AKR1C8: variants seen among roughly 807,000 people sequenced by gnomAD.
AKR1C8 encodes aldo-keto reductase family 1 member C-like protein 1.
the AKR1C8 span, among the ~76,000 whole-genome samples, chr10:5,167,330 C>T: frequency 7.2e-5 from 11 of 152,182 alleles, no homozygotes; most frequent in African/African-American, 2.7e-4. Flanking sequence ...AAGACACATG[C>T]ACACATATGT....
the AKR1C8 span, among the ~76,000 whole-genome samples, chr10:5,180,367 G>A: frequency 0.2 from 30,635 of 152,098 alleles, 3,933 homozygotes; most frequent in East Asian, 0.63. Context: ...GGCTGTGTGC[G>A]GTGTCAGTCT....
the AKR1C8 span, among the ~76,000 whole-genome samples, chr10:5,176,112 T>C: frequency 6.6e-6 from 1 of 151,994 alleles, no homozygotes; most frequent in Non-Finnish European, 1.5e-5. Context: ...TGGTTTTAAG[T>C]CTAACGTTTA....
At chr10:5,184,962 C>T in the AKR1C8 span, 1 of 529,952 alleles carries the variant, frequency 1.9e-6, no homozygotes, top group Non-Finnish European at 3.9e-6. Context: ...GATGACTGCC[C>T]TGCAAGTACA....
the AKR1C8 span, among the ~76,000 whole-genome samples, chr10:5,156,023 T>C: frequency 1.3e-5 from 2 of 152,146 alleles, no homozygotes; most frequent in Non-Finnish European, 1.5e-5. Flanking sequence ...AAAATATTTA[T>C]TGAGAATTGC....
the AKR1C8 span, among the ~76,000 whole-genome samples, chr10:5,126,927 A>G: frequency 6.6e-6 from 1 of 152,186 alleles, no homozygotes; most frequent in Non-Finnish European, 1.5e-5. Context: ...GAAAAAAGAC[A>G]TTAAAGAAAA....
chr10:5,130,128 T>C, the AKR1C8 span, among the ~76,000 whole-genome samples: 1 of 151,786 alleles, frequency 6.6e-6, no homozygotes, highest in African/African-American at 2.4e-5. Context: ...GGCAAGTCAA[T>C]AAATATGATA....
chr10:5,177,157 T>C, the AKR1C8 span, among the ~76,000 whole-genome samples: 1 of 152,200 alleles, frequency 6.6e-6, no homozygotes, highest in African/African-American at 2.4e-5. Flanking sequence ...ATCCCATCAA[T>C]ACCTGATTTA....
the AKR1C8 span, among the ~76,000 whole-genome samples, chr10:5,130,399 A>G: frequency 1.3e-5 from 2 of 151,880 alleles, no homozygotes; most frequent in Non-Finnish European, 3.0e-5. Flanking sequence ...TGTTAATATT[A>G]AACTTAATCC....
At chr10:5,124,104 G>A in the AKR1C8 span, among the ~76,000 whole-genome samples, 2 of 152,138 alleles carry the variant, frequency 1.3e-5, no homozygotes, top group South Asian at 4.1e-4. Context: ...GCCAATTCCA[G>A]CTCTGGGATA....
chr10:5,171,605 T>C, the AKR1C8 span, among the ~76,000 whole-genome samples: 79,848 of 151,834 alleles, frequency 0.53, 22,010 homozygotes, highest in Non-Finnish European at 0.6. Context: ...CATATTTACC[T>C]AATTTTAATG....
At chr10:5,123,677 G>T in the AKR1C8 span, 2 of 1,555,412 alleles carry the variant, frequency 1.3e-6, no homozygotes, top group Admixed American at 1.8e-5. Context: ...CATCAAAATG[G>T]CATTTTAGGT....
the AKR1C8 span, among the ~76,000 whole-genome samples, chr10:5,136,340 G>A: frequency 6.6e-6 from 1 of 152,142 alleles, no homozygotes; most frequent in Non-Finnish European, 1.5e-5. Flanking sequence ...TTGAGATCCA[G>A]TGTTCAAGAC....
chr10:5,141,295 A>T, the AKR1C8 span, among the ~76,000 whole-genome samples: 1 of 152,142 alleles, frequency 6.6e-6, no homozygotes, highest in Non-Finnish European at 1.5e-5. Context: ...TCTACTTCTC[A>T]TTCTACCTTT....
At chr10:5,159,834 G>A in the AKR1C8 span, 1 of 480,512 alleles carries the variant, frequency 2.1e-6, no homozygotes, top group African/African-American at 2.0e-5. Context: ...AGCAGGAAGT[G>A]TGTGAACAGC....
At chr10:5,137,959 T>G in the AKR1C8 span, among the ~76,000 whole-genome samples, 2 of 151,926 alleles carry the variant, frequency 1.3e-5, no homozygotes, top group South Asian at 2.1e-4. Context: ...CTAAGAAAGA[T>G]CACATGCTTC....
At chr10:5,119,709 C>T in the AKR1C8 span, among the ~76,000 whole-genome samples, 2 of 152,136 alleles carry the variant, frequency 1.3e-5, no homozygotes, top group South Asian at 2.1e-4. Flanking sequence ...GAGATCCTCT[C>T]CAAGATGCCT....
the AKR1C8 span, among the ~76,000 whole-genome samples, chr10:5,173,429 G>A: frequency 6.6e-6 from 1 of 151,998 alleles, no homozygotes; most frequent in Admixed American, 6.6e-5. Flanking sequence ...GTTTGGGACT[G>A]AAGGCTTGGA....
chr10:5,161,942 C>A, the AKR1C8 span: 1 of 534,342 alleles, frequency 1.9e-6, no homozygotes, highest in South Asian at 1.4e-5. Flanking sequence ...GCCGGGTGAA[C>A]CAATTCTGCC....
the AKR1C8 span, among the ~76,000 whole-genome samples, chr10:5,182,160 T>C: frequency 6.6e-6 from 1 of 152,182 alleles, no homozygotes; most frequent in Non-Finnish European, 1.5e-5. Context: ...CTCTACCTGG[T>C]TCCTCTGAAA....
Sources: allele counts gnomAD v4.1 joint callset (sites outside exome capture counted in the v4.1 genomes callset), GRCh38; gene constraint gnomAD v4.1.1; transcripts MANE v1.5; gene names NCBI Gene and HGNC (gene_info 2026-07-23, HGNC 2026-07-21).